Variants in PRKG1 observed in about 807,000 individuals in gnomAD.
PRKG1 encodes protein kinase cGMP-dependent 1.
In PRKG1, 35 loss-of-function variants were observed where a neutral mutation model predicts 88.1. The observed-to-expected ratio is 0.40, with a 90% CI of 0.30 to 0.53. The LOEUF (loss-of-function observed/expected upper bound fraction) is 0.53, where lower values mean the gene tolerates loss of function less well. Ranked by LOEUF, PRKG1 falls within the 20% of genes least tolerant of loss-of-function variation. The pLI is 0.59. For synonymous variants in PRKG1, 303 were observed against 292.5 expected (o/e 1.04, Z -0.37); for missense variants, 540 against 839.8 (o/e 0.64, Z 4.41).
chr10:51,712,975 G>GTT (rs10593003), intron 3 of PRKG1, among the ~76,000 whole-genome samples: 11 of 149,546 alleles, frequency 7.4e-5, no homozygotes, highest in South Asian at 6.3e-4. Context: ...CTCTATGAGG[G>GTT]TTTTTTTTTT....
intron 2 of PRKG1, among the ~76,000 whole-genome samples, chr10:51,321,180 TGA>T (rs1157046755): frequency 6.6e-6 from 1 of 152,196 alleles, no homozygotes; most frequent in Admixed American, 6.5e-5. Flanking sequence ...GTGTGGTCTT[TGA>T]AGCCAAACTG....
chr10:51,020,524 T>G (rs4558117), intron 1 of PRKG1, among the ~76,000 whole-genome samples: 4 of 152,282 alleles, frequency 2.6e-5, no homozygotes, highest in Admixed American at 2.6e-4. Flanking sequence ...GGTGTGTCTG[T>G]TATAATGTCT....
intron 2 of PRKG1, among the ~76,000 whole-genome samples, chr10:51,264,421 C>A (rs1377202149): frequency 6.6e-6 from 1 of 152,086 alleles, no homozygotes; most frequent in East Asian, 1.9e-4. Flanking sequence ...GTTCCTATTT[C>A]AAAGTATGTC....
At chr10:52,089,148 C>G (rs1348777382) in intron 7 of PRKG1, among the ~76,000 whole-genome samples, 2 of 151,994 alleles carry the variant, frequency 1.3e-5, no homozygotes, top group Non-Finnish European at 1.5e-5. Context: ...AGGATCGGAA[C>G]CAGGTGGTAA....
chr10:51,049,999 T>A (rs1843541698), intron 1 of PRKG1, among the ~76,000 whole-genome samples: 1 of 152,062 alleles, frequency 6.6e-6, no homozygotes, highest in African/African-American at 2.4e-5. Flanking sequence ...TTTCCTTGCT[T>A]GTCATTAAAT....
chr10:52,163,625 C>T (rs1838343438), intron 9 of PRKG1, among the ~76,000 whole-genome samples: 1 of 152,050 alleles, frequency 6.6e-6, no homozygotes, highest in Non-Finnish European at 1.5e-5. Context: ...GTTGAGGCCG[C>T]TATCATGCTT....
At chr10:51,564,078 A>G (rs1837537286) in intron 3 of PRKG1, among the ~76,000 whole-genome samples, 1 of 152,126 alleles carries the variant, frequency 6.6e-6, no homozygotes, top group Non-Finnish European at 1.5e-5. Flanking sequence ...TTAGGAAAAA[A>G]CTATTTTTAA....
chr10:52,219,865 A>C (rs1478746410), intron 9 of PRKG1, among the ~76,000 whole-genome samples: 2 of 152,222 alleles, frequency 1.3e-5, no homozygotes, highest in Non-Finnish European at 2.9e-5. Context: ...GGGAGAAAAA[A>C]TAAACATACA....
At chr10:51,672,369 G>A (rs114272244) in intron 3 of PRKG1, among the ~76,000 whole-genome samples, 63 of 151,622 alleles carry the variant, frequency 4.2e-4, no homozygotes, top group African/African-American at 1.2e-3. Context: ...CTTTCTTCCT[G>A]TCTAATCTGC....
chr10:51,536,359 T>G (rs1842151743), intron 3 of PRKG1, among the ~76,000 whole-genome samples: 1 of 152,240 alleles, frequency 6.6e-6, no homozygotes, highest in Non-Finnish European at 1.5e-5. Context: ...AAGTGTCTCT[T>G]CATGACCTTT....
At chr10:52,189,371 A>G (rs1340143392) in intron 9 of PRKG1, among the ~76,000 whole-genome samples, 2 of 152,134 alleles carry the variant, frequency 1.3e-5, no homozygotes, top group African/African-American at 4.8e-5. Flanking sequence ...TTCATCCCAG[A>G]CCAGGGGTTC....
At chr10:52,228,780 G>A (rs1840456432) in intron 9 of PRKG1, among the ~76,000 whole-genome samples, 1 of 152,170 alleles carries the variant, frequency 6.6e-6, no homozygotes, top group Admixed American at 6.5e-5. Flanking sequence ...GAAGACACAA[G>A]TCAGAATCTG....
At position 51,903,625 on chromosome 10, in the gene PRKG1, C is replaced by A. The variant is rs1478967432; in HGVS notation, c.699-3882C>A. On this transcript the variant is annotated intron_variant, in intron 4 of 17. Coordinates refer to ENST00000373980, the MANE Select transcript of PRKG1 (RefSeq NM_006258.4). ...TAGAGGCAATCTTTATTATTCCAGACTTTCAATTTATTTGACATGCTTTAT... is the reference window on the plus strand; with the variant it reads ...TAGAGGCAATCTTTATTATTCCAGAATTTCAATTTATTTGACATGCTTTAT... 7.9e-3 allele frequency among the ~76,000 whole-genome samples: 1,206 copies of A among 152,172 alleles called. 17 individuals are homozygous for A. Among genetic ancestry groups the A allele is most frequent in the African/African-American group, 0.025 (1,046 of 41,538 alleles).
rs1841321474 is a variant in PRKG1, at chr10:51,877,215, A to T, written c.699-30292A>T. Among the ~76,000 whole-genome samples, 3 of 151,934 alleles carry T rather than the reference A, an allele frequency of 2.0e-5. No homozygotes were observed. The South Asian group carries it at 6.2e-4, about 32-fold the overall frequency. ...CTGTGACTACAGGTGGTGCACTACCACCTGTACCCAGCTTTCCAGATTATC... is the reference window on the plus strand; with the variant it reads ...CTGTGACTACAGGTGGTGCACTACCTCCTGTACCCAGCTTTCCAGATTATC... On this transcript the variant is annotated intron_variant, in intron 4 of 17. Transcript: ENST00000373980.
chr10:51,785,087 C>A (rs1838693931), intron 3 of PRKG1, among the ~76,000 whole-genome samples: 1 of 150,518 alleles, frequency 6.6e-6, no homozygotes, highest in Non-Finnish European at 1.5e-5. Context: ...GGGAACATAA[C>A]AAGTCCTCGT....
chr10:51,321,095 T>G (rs1021541064), intron 2 of PRKG1, among the ~76,000 whole-genome samples: 3 of 152,196 alleles, frequency 2.0e-5, no homozygotes, highest in Admixed American at 6.5e-5. Context: ...TAAATTTTTT[T>G]TGTGTGTATA....
intron 10 of PRKG1, among the ~76,000 whole-genome samples, chr10:52,266,720 G>A (rs1225745121): frequency 6.6e-6 from 1 of 151,720 alleles, no homozygotes; most frequent in Non-Finnish European, 1.5e-5. Flanking sequence ...ATCCCCATAT[G>A]ATAGATGAGG....
chr10:51,711,637 G>A (rs1359061223), intron 3 of PRKG1, among the ~76,000 whole-genome samples: 2 of 152,172 alleles, frequency 1.3e-5, no homozygotes, highest in Non-Finnish European at 2.9e-5. Flanking sequence ...AGGCAATTCT[G>A]ATTGTTTATC....
intron 4 of PRKG1, among the ~76,000 whole-genome samples, chr10:51,868,759 C>T (rs1245644180): frequency 6.6e-6 from 1 of 152,122 alleles, no homozygotes; most frequent in Admixed American, 6.5e-5. Flanking sequence ...ATATGGACTT[C>T]CTTGAAGATC....
Sources: gnomAD v4.1 joint callset for allele counts (sites outside exome capture counted in the v4.1 genomes callset) on GRCh38, gnomAD v4.1.1 for gene constraint, MANE v1.5 for transcripts, NCBI Gene and HGNC (gene_info 2026-07-23, HGNC 2026-07-21) for gene names.